ZNF251: variants seen among roughly 807,000 people sequenced by gnomAD.
ZNF251 encodes zinc finger protein 251.
A neutral mutation model predicts 13.5 loss-of-function variants in ZNF251; 14 were observed. That is an observed-to-expected ratio of 1.04 (90% confidence interval 0.69 to 1.63). The LOEUF (loss-of-function observed/expected upper bound fraction) is 1.63, where lower values mean the gene tolerates loss of function less well. ZNF251 is among the 40% of genes most tolerant of loss of function. The pLI is 0.00. For synonymous variants in ZNF251, 287 were observed against 295.2 expected (o/e 0.97, Z 0.28); for missense variants, 764 against 834.9 (o/e 0.92, Z 1.05).
intron 4 of ZNF251, among the ~76,000 whole-genome samples, chr8:144,728,620 G>A (rs1385611014): frequency 7.0e-6 from 1 of 143,290 alleles, no homozygotes; most frequent in Non-Finnish European, 1.5e-5. Flanking sequence ...CCGAGATCGC[G>A]CCACTGCACT....
chr8:144,738,671 A>G lies in ZNF251; in HGVS notation c.277+15012T>C. On this transcript the variant is annotated intron_variant, in intron 4 of 4. Coordinates refer to ENST00000292562, the MANE Select transcript of ZNF251 (RefSeq NM_138367.2). The stretch of plus-strand genomic sequence containing the variant: ...ACTCAGTCAGGCAAGTGGAAACAGC[A>G]CAGTTCTCTCGTTCAAGGCAACCTC... The G allele has an allele frequency of 3.0e-6, 3 of 985,438 alleles. No individual in the cohort carries two copies. The South Asian group carries it at 1.4e-4, about 46-fold the overall frequency. 61.0% of individuals were successfully genotyped at this position (985,438 alleles called of 1,614,324 possible). A position where few individuals can be genotyped will look rare whatever the true frequency, so the allele number is the denominator to read the frequency against.
intron 4 of ZNF251, among the ~76,000 whole-genome samples, chr8:144,729,045 G>A (rs904853355): frequency 1.4e-5 from 2 of 138,386 alleles, no homozygotes; most frequent in African/African-American, 5.4e-5. Flanking sequence ...CTGAGATCGC[G>A]CCATTGCACT....
intron 4 of ZNF251, among the ~76,000 whole-genome samples, chr8:144,730,533 A>G (rs1399466153): frequency 2.5e-5 from 3 of 118,308 alleles, no homozygotes; most frequent in African/African-American, 6.5e-5. Context: ...CGGGGGTGAC[A>G]CTGGCATGTG....
At chr8:144,738,503 G>A (rs1824005617) in intron 4 of ZNF251, 1 of 965,102 alleles carries the variant, frequency 1.0e-6, no homozygotes, top group Non-Finnish European at 1.2e-6. Context: ...CTGACACACA[G>A]GGTCTTCCCA....
intron 2 of ZNF251, 69 bp downstream of exon 2, chr8:144,754,627 G>T: frequency 6.5e-7 from 1 of 1,546,910 alleles, no homozygotes. Context: ...CACGGCTCCA[G>T]AGGAGAGTAG....
At chr8:144,743,049 C>T (rs758267932) in intron 4 of ZNF251, among the ~76,000 whole-genome samples, 20 of 152,206 alleles carry the variant, frequency 1.3e-4, no homozygotes, top group East Asian at 5.8e-4. Context: ...TTCATAGCTT[C>T]GTAGCTCATT....
chr8:144,735,403 G>C (rs1428182277), intron 4 of ZNF251, among the ~76,000 whole-genome samples: 1 of 146,562 alleles, frequency 6.8e-6, no homozygotes, highest in Non-Finnish European at 1.5e-5. Flanking sequence ...AAAAAAAAGA[G>C]ATTTTGTATT....
chr8:144,731,842 C>A (rs1823703931), intron 4 of ZNF251, among the ~76,000 whole-genome samples: 1 of 152,184 alleles, frequency 6.6e-6, no homozygotes, highest in South Asian at 2.1e-4. Flanking sequence ...CCCACCTCGG[C>A]CTCCCAAAGT....
intron 4 of ZNF251, among the ~76,000 whole-genome samples, chr8:144,737,674 T>A (rs574803442): frequency 6.6e-6 from 1 of 150,440 alleles, no homozygotes; most frequent in African/African-American, 2.5e-5. Flanking sequence ...CTACTAAAAA[T>A]AGAAGAAATT....
intron 4 of ZNF251, among the ~76,000 whole-genome samples, chr8:144,749,935 C>T (rs1000865575): frequency 2.0e-5 from 3 of 149,186 alleles, no homozygotes; most frequent in African/African-American, 7.5e-5. Flanking sequence ...CCTAGGCTGG[C>T]CTTGAACTCC....
chr8:144,754,718 G>A lies in ZNF251; in HGVS notation c.11C>T (p.Thr4Ile), dbSNP rs1300901156. MAA[T>I]FQLPGHQEMP... ...CACCTGGTGCCCTGGAAGCTGGAAT[G>A]TGGCTGCCATTCTGTGTGCATGGGC... Residue 4 changes from threonine (T) to isoleucine (I), a missense_variant, in exon 2 of 5, where the codon ACA becomes ATA. By Grantham distance (89) the Thr-to-Ile change is moderately conservative. Coordinates refer to ENST00000292562, the MANE Select transcript of ZNF251 (RefSeq NM_138367.2). 5 of 1,612,106 alleles carry A rather than the reference G, an allele frequency of 3.1e-6. No individual in the cohort carries two copies. The highest frequency in any genetic ancestry group is 2.2e-5 in the East Asian group (1 of 44,872).
At position 144,736,739 on chromosome 8, in the gene ZNF251, G is replaced by C. The variant is rs530518983; in HGVS notation, c.278-13357C>G. 2.6e-5 allele frequency among the ~76,000 whole-genome samples: 4 copies of C among 152,120 alleles called. No homozygotes were observed. In the East Asian group the frequency reaches 7.7e-4, roughly 29 times the overall value. On this transcript the variant is annotated intron_variant, in intron 4 of 4. Coordinates refer to ENST00000292562, the MANE Select transcript of ZNF251 (RefSeq NM_138367.2). ...ACTCCCGACCTCAGGTGATCCATCTGCCTTGGCCTCCCAAAGTGATGGGAT... is the reference window on the plus strand; with the variant it reads ...ACTCCCGACCTCAGGTGATCCATCTCCCTTGGCCTCCCAAAGTGATGGGAT...
intron 4 of ZNF251, among the ~76,000 whole-genome samples, chr8:144,723,613 C>T (rs1402291328): frequency 2.0e-5 from 3 of 152,192 alleles, no homozygotes; most frequent in Admixed American, 6.5e-5. Flanking sequence ...TACGATTTTT[C>T]ACCTATCAAA....
At chr8:144,749,833 G>T (rs1241226005) in intron 4 of ZNF251, among the ~76,000 whole-genome samples, 1 of 148,376 alleles carries the variant, frequency 6.7e-6, no homozygotes, top group African/African-American at 2.5e-5. Context: ...GGTGTTTTTG[G>T]TCTCTAGTAT....
At chr8:144,749,586 C>T (rs553430908) in intron 4 of ZNF251, among the ~76,000 whole-genome samples, 16 of 152,348 alleles carry the variant, frequency 1.1e-4, no homozygotes, top group African/African-American at 3.6e-4. Context: ...GTTCTTCATT[C>T]CTATTTCTGT....
intron 4 of ZNF251, 121 bp from the exon 5 acceptor site, chr8:144,723,503 A>G (rs919163714): frequency 9.4e-6 from 6 of 637,664 alleles, no homozygotes; most frequent in Non-Finnish European, 1.4e-5. Flanking sequence ...ATAGGAAAAG[A>G]TGTGAAAGGC....
intron 4 of ZNF251, among the ~76,000 whole-genome samples, chr8:144,736,357 G>C (rs907994175): frequency 6.6e-6 from 1 of 152,060 alleles, no homozygotes; most frequent in African/African-American, 2.4e-5. Flanking sequence ...CTTTATAAGG[G>C]GGCCCAAGTC....
intron 4 of ZNF251, among the ~76,000 whole-genome samples, chr8:144,746,117 T>A (rs1824416547): frequency 6.6e-6 from 1 of 152,198 alleles, no homozygotes; most frequent in South Asian, 2.1e-4. Context: ...TAAAGGAAAA[T>A]GTAGATTTTC....
At chr8:144,725,180 ATT>A (rs1413997489) in intron 4 of ZNF251, among the ~76,000 whole-genome samples, 2 of 152,190 alleles carry the variant, frequency 1.3e-5, no homozygotes, top group South Asian at 2.1e-4. Flanking sequence ...TGCTCGGCTA[ATT>A]TTTTGTAATT....
Sources: gnomAD v4.1 joint callset for allele counts (sites outside exome capture counted in the v4.1 genomes callset) on GRCh38, gnomAD v4.1.1 for gene constraint, MANE v1.5 for transcripts, NCBI Gene and HGNC (gene_info 2026-07-23, HGNC 2026-07-21) for gene names.